The following SEMA3E variants were observed in gnomAD, a reference collection of about 807,000 sequenced individuals.
SEMA3E encodes semaphorin-3E.
In SEMA3E, 49 loss-of-function variants were observed where a neutral mutation model predicts 93.6. That is an observed-to-expected ratio of 0.52 (90% confidence interval 0.42 to 0.66). The LOEUF is 0.66. SEMA3E is among the 30% of genes least tolerant of loss of function. The pLI is 0.00. For missense variants in SEMA3E, 906 were observed against 964.8 expected (o/e 0.94, Z 0.81); for synonymous variants, 363 against 330.7 (o/e 1.10, Z -1.06).
chr7:83,610,201 C>T (rs1034727165), intron 1 of SEMA3E, among the ~76,000 whole-genome samples: 1 of 151,946 alleles, frequency 6.6e-6, no homozygotes, highest in Admixed American at 6.6e-5. Flanking sequence ...CTCACTCTAC[C>T]AATCTATCCT....
chr7:83,449,910 T>A (rs982615288), intron 4 of SEMA3E, among the ~76,000 whole-genome samples: 3 of 152,192 alleles, frequency 2.0e-5, no homozygotes, highest in Admixed American at 1.3e-4. Context: ...AATTGGATAT[T>A]TTATACTTGC....
At chr7:83,480,386 C>T (rs1274536957) in intron 2 of SEMA3E, among the ~76,000 whole-genome samples, 1 of 152,060 alleles carries the variant, frequency 6.6e-6, no homozygotes, top group Non-Finnish European at 1.5e-5. Context: ...CGAGTTCGTG[C>T]CACTGTACTC....
intron 4 of SEMA3E, among the ~76,000 whole-genome samples, chr7:83,458,406 G>T (rs73174520): frequency 0.16 from 23,859 of 151,826 alleles, 2,524 homozygotes; most frequent in Middle Eastern, 0.28. Flanking sequence ...AATAGACAAA[G>T]ACTAAAGAGA....
chr7:83,636,202 T>C lies in SEMA3E; in HGVS notation c.115+12226A>G, dbSNP rs1257844752. On this transcript the variant is annotated intron_variant, in intron 1 of 16. Coordinates refer to ENST00000643230, the MANE Select transcript of SEMA3E (RefSeq NM_012431.3). ...TATCTTTTAATAATTTACAGATATT[T>C]TCTGAATAATTTTAAAGCAGTCCTG... Among the ~76,000 whole-genome samples, 3 of 152,256 alleles carry C rather than the reference T, an allele frequency of 2.0e-5. No individual in the cohort carries two copies. In the East Asian group the frequency reaches 5.8e-4, roughly 29 times the overall value.
At chr7:83,436,507 A>G (rs1232385600) in intron 4 of SEMA3E, among the ~76,000 whole-genome samples, 4 of 151,724 alleles carry the variant, frequency 2.6e-5, no homozygotes, top group Admixed American at 2.6e-4. Context: ...ACATATACAT[A>G]TATATATATT....
At chr7:83,405,855 C>G (rs917378915) in intron 8 of SEMA3E, 90 bp downstream of exon 8, 13 of 1,036,838 alleles carry the variant, frequency 1.3e-5, no homozygotes, top group East Asian at 2.5e-5. Flanking sequence ...GTCAAATACA[C>G]AGAAAGCAAG....
At chr7:83,524,559 A>G (rs17157709) in intron 1 of SEMA3E, among the ~76,000 whole-genome samples, 9,231 of 152,196 alleles carry the variant, frequency 0.061, 452 homozygotes, top group South Asian at 0.2. Flanking sequence ...TTCATTGTAC[A>G]TAGTATAGAA....
At position 83,524,180 on chromosome 7, in the gene SEMA3E, C is replaced by A. The variant is rs572458003; in HGVS notation, c.116-33906G>T. On this transcript the variant is annotated intron_variant, in intron 1 of 16. Coordinates refer to ENST00000643230, the MANE Select transcript of SEMA3E (RefSeq NM_012431.3). ...CTCATAGACCTTGTAAGATAGTTTT[C>A]TTTCTCCCTTAATAAGGAAGTCATA... 1.4e-4 allele frequency among the ~76,000 whole-genome samples: 22 copies of A among 152,224 alleles called. 1 individual carries two copies. The South Asian group carries it at 4.6e-3, about 32-fold the overall frequency.
chr7:83,594,432 A>G (rs1390390850), intron 1 of SEMA3E, among the ~76,000 whole-genome samples: 1 of 152,142 alleles, frequency 6.6e-6, no homozygotes, highest in African/African-American at 2.4e-5. Flanking sequence ...TGAAGGAAAC[A>G]AGTGGAAAAG....
intron 4 of SEMA3E, among the ~76,000 whole-genome samples, chr7:83,456,062 T>C (rs540518142): frequency 6.6e-6 from 1 of 152,330 alleles, no homozygotes; most frequent in African/African-American, 2.4e-5. Context: ...ACATTTTTGG[T>C]AATTTGTTTG....
At chr7:83,601,060 A>C (rs1792985067) in intron 1 of SEMA3E, among the ~76,000 whole-genome samples, 1 of 152,190 alleles carries the variant, frequency 6.6e-6, no homozygotes, top group Admixed American at 6.5e-5. Flanking sequence ...AGGGAGGGAA[A>C]GAGATGTGAT....
At chr7:83,598,926 G>T (rs1332061571) in intron 1 of SEMA3E, among the ~76,000 whole-genome samples, 3 of 152,078 alleles carry the variant, frequency 2.0e-5, no homozygotes, top group Admixed American at 6.5e-5. Flanking sequence ...TTAAATGTCA[G>T]TTAAATAAAT....
At chr7:83,645,303 AC>A (rs1794065113) in intron 1 of SEMA3E, among the ~76,000 whole-genome samples, 1 of 151,934 alleles carries the variant, frequency 6.6e-6, no homozygotes, top group Admixed American at 6.6e-5. Context: ...CATTAATCTC[AC>A]CAATATTACC....
chr7:83,543,539 A>G (rs117213280), intron 1 of SEMA3E, among the ~76,000 whole-genome samples: 2,108 of 152,180 alleles, frequency 0.014, 27 homozygotes, highest in Non-Finnish European at 0.021. Flanking sequence ...CTCTTTTGTA[A>G]TGGGAAGTTT....
intron 10 of SEMA3E, among the ~76,000 whole-genome samples, chr7:83,401,863 G>A (rs1452682881): frequency 6.6e-6 from 1 of 151,978 alleles, no homozygotes; most frequent in Non-Finnish European, 1.5e-5. Context: ...AGCTCACATA[G>A]CACATACAAT....
intron 1 of SEMA3E, among the ~76,000 whole-genome samples, chr7:83,584,597 G>T (rs1358979772): frequency 1.3e-5 from 2 of 152,102 alleles, no homozygotes; most frequent in Non-Finnish European, 1.5e-5. Context: ...GTTCCAAACA[G>T]TTCAGGCATA....
intron 1 of SEMA3E, among the ~76,000 whole-genome samples, chr7:83,599,337 T>C (rs1792937414): frequency 6.6e-6 from 1 of 152,176 alleles, no homozygotes; most frequent in South Asian, 2.1e-4. Context: ...TAAAGTATTC[T>C]GTGGTTAAGC....
chr7:83,498,559 C>T (rs1790537208), intron 1 of SEMA3E, among the ~76,000 whole-genome samples: 1 of 151,966 alleles, frequency 6.6e-6, no homozygotes, highest in Non-Finnish European at 1.5e-5. Flanking sequence ...CTCACTGCAG[C>T]CTCCACCTCC....
intron 4 of SEMA3E, among the ~76,000 whole-genome samples, chr7:83,458,815 T>C (rs1248530871): frequency 6.7e-6 from 1 of 150,044 alleles, no homozygotes; most frequent in Non-Finnish European, 1.5e-5. Flanking sequence ...CTTAGATCAA[T>C]GCCTAGAAGT....
Sources: gnomAD v4.1 joint callset for allele counts (sites outside exome capture counted in the v4.1 genomes callset) on GRCh38, gnomAD v4.1.1 for gene constraint, MANE v1.5 for transcripts, NCBI Gene and HGNC (gene_info 2026-07-23, HGNC 2026-07-21) for gene names.